Variants in AMOTL1 observed in about 807,000 individuals in gnomAD.
AMOTL1 encodes angiomotin like 1.
AMOTL1 carries 45 observed loss-of-function variants against 102.9 expected under a neutral mutation model. That is an observed-to-expected ratio of 0.44 (90% CI 0.34 to 0.56). AMOTL1 has a LOEUF of 0.56. Ranked by LOEUF, AMOTL1 falls within the 20% of genes least tolerant of loss-of-function variation. The pLI, the probability that AMOTL1 is intolerant of heterozygous loss-of-function variation, is 0.01. For synonymous variants in AMOTL1, 481 were observed against 484.7 expected, an observed-to-expected ratio of 0.99 and a Z score of 0.10; for missense variants, 1,114 against 1,225.6, an observed-to-expected ratio of 0.91 and a Z score of 1.36.
chr11:94,770,472 T>C (rs1002583136), intron 1 of AMOTL1, among the ~76,000 whole-genome samples: 2 of 151,882 alleles, frequency 1.3e-5, no homozygotes, highest in African/African-American at 4.8e-5. Flanking sequence ...GGGGGAGGGA[T>C]GAGGATGTTT....
At chr11:94,833,056 A>G (rs567193064) in intron 6 of AMOTL1, among the ~76,000 whole-genome samples, 1 of 152,238 alleles carries the variant, frequency 6.6e-6, no homozygotes, top group Non-Finnish European at 1.5e-5. Flanking sequence ...TGAAACATCA[A>G]TTATCAAGCA....
At chr11:94,822,050 G>C (rs913687264) in intron 4 of AMOTL1, among the ~76,000 whole-genome samples, 9 of 152,154 alleles carry the variant, frequency 5.9e-5, no homozygotes, top group Admixed American at 1.3e-4. Flanking sequence ...GAGTGTGAAG[G>C]GTCTACTGTA....
intron 4 of AMOTL1, among the ~76,000 whole-genome samples, chr11:94,828,487 C>T (rs1041056380): frequency 2.6e-5 from 4 of 152,102 alleles, no homozygotes; most frequent in African/African-American, 9.7e-5. Context: ...ATCTCTCACC[C>T]CCACTAAGCC....
At chr11:94,814,057 G>T (rs1305172542) in intron 3 of AMOTL1, among the ~76,000 whole-genome samples, 1 of 152,140 alleles carries the variant, frequency 6.6e-6, no homozygotes, top group Non-Finnish European at 1.5e-5. Context: ...GGTAGCTTCG[G>T]GTGGGGCTTC....
chr11:94,768,034 T>C (rs542606133), upstream of AMOTL1, among the ~76,000 whole-genome samples: 7 of 152,238 alleles, frequency 4.6e-5, no homozygotes, highest in East Asian at 9.7e-4. Context: ...AAACAGAATT[T>C]TGGCCGGCAT....
upstream of AMOTL1, chr11:94,768,286 T>G (rs1174793688): frequency 2.3e-6 from 3 of 1,307,762 alleles, no homozygotes; most frequent in Non-Finnish European, 2.9e-6. Flanking sequence ...GAGTGTAGGG[T>G]TCTAGTGACG....
intron 1 of AMOTL1, among the ~76,000 whole-genome samples, chr11:94,788,645 T>C (rs1951233509): frequency 6.6e-6 from 1 of 152,198 alleles, no homozygotes; most frequent in Non-Finnish European, 1.5e-5. Context: ...TGGGTAGTTG[T>C]GTGCACGTTG....
At chr11:94,710,254 T>G (rs1466639269) in intron 1 of AMOTL1, among the ~76,000 whole-genome samples, 1 of 152,164 alleles carries the variant, frequency 6.6e-6, no homozygotes, top group Non-Finnish European at 1.5e-5. Flanking sequence ...GGAAAGCACC[T>G]GAAGCCATGA....
intron 9 of AMOTL1, among the ~76,000 whole-genome samples, chr11:94,862,983 A>G (rs1465923068): frequency 6.6e-6 from 1 of 152,210 alleles, no homozygotes; most frequent in Non-Finnish European, 1.5e-5. Flanking sequence ...TCTTAAAGAC[A>G]TATGAAACTT....
At chr11:94,820,659 T>A (rs1951847751) in intron 3 of AMOTL1, among the ~76,000 whole-genome samples, 1 of 152,194 alleles carries the variant, frequency 6.6e-6, no homozygotes, top group South Asian at 2.1e-4. Flanking sequence ...CATTGTAATA[T>A]ATGATGAAAT....
chr11:94,781,775 C>T (rs1264048406), intron 1 of AMOTL1, among the ~76,000 whole-genome samples: 5 of 151,314 alleles, frequency 3.3e-5, no homozygotes, highest in African/African-American at 1.2e-4. Context: ...GCAGAGGTTG[C>T]AGTGAGCCGA....
chr11:94,831,142 G>A (rs781438331), intron 5 of AMOTL1, among the ~76,000 whole-genome samples: 2 of 152,216 alleles, frequency 1.3e-5, no homozygotes, highest in Admixed American at 6.5e-5. Context: ...GACTGTCTTT[G>A]TGAATACTTC....
chr11:94,732,826 C>T (rs1261083873), intron 2 of AMOTL1, among the ~76,000 whole-genome samples: 1 of 152,182 alleles, frequency 6.6e-6, no homozygotes, highest in Non-Finnish European at 1.5e-5. Flanking sequence ...GTCTGGGAAA[C>T]ACGGCCTGGC....
intron 11 of AMOTL1, 168 bp downstream of exon 11, chr11:94,866,336 A>T: frequency 1.5e-6 from 1 of 670,732 alleles, no homozygotes; most frequent in Middle Eastern, 4.1e-4. Flanking sequence ...ATGTGGAAGC[A>T]TTGTGTAAAT....
At chr11:94,752,439 G>T (rs1950668129) in intron 3 of AMOTL1, among the ~76,000 whole-genome samples, 1 of 152,232 alleles carries the variant, frequency 6.6e-6, no homozygotes, top group African/African-American at 2.4e-5. Flanking sequence ...AACATGTTCA[G>T]GGATGGTTTG....
At chr11:94,786,707 G>C (rs939159550) in intron 1 of AMOTL1, among the ~76,000 whole-genome samples, 2 of 152,076 alleles carry the variant, frequency 1.3e-5, no homozygotes, top group African/African-American at 4.8e-5. Context: ...TCAGCACTAG[G>C]TGGCTTTCTC....
chr11:94,752,864 C>G (rs1048478904), intron 3 of AMOTL1, among the ~76,000 whole-genome samples: 3 of 152,132 alleles, frequency 2.0e-5, no homozygotes, highest in Non-Finnish European at 4.4e-5. Flanking sequence ...GTACAATAGT[C>G]TACTGCTGGG....
intron 3 of AMOTL1, among the ~76,000 whole-genome samples, chr11:94,819,139 C>T (rs962093616): frequency 1.3e-5 from 2 of 152,162 alleles, no homozygotes; most frequent in African/African-American, 2.4e-5. Flanking sequence ...TCAGACAAAA[C>T]CTGAGACCAG....
intron 6 of AMOTL1, among the ~76,000 whole-genome samples, chr11:94,841,367 G>A (rs1011173904): frequency 9.9e-5 from 15 of 152,168 alleles, no homozygotes; most frequent in African/African-American, 3.6e-4. Flanking sequence ...CAGGAGAATC[G>A]CATGAGCCCA....
Sources: gnomAD v4.1 joint callset for allele counts (sites outside exome capture counted in the v4.1 genomes callset) on GRCh38, gnomAD v4.1.1 for gene constraint, MANE v1.5 for transcripts, NCBI Gene and HGNC (gene_info 2026-07-23, HGNC 2026-07-21) for gene names.